Variants in DONSON observed in about 807,000 individuals in gnomAD.
DONSON encodes protein downstream neighbor of Son.
DONSON carries 43 observed loss-of-function variants against 62.1 expected under a neutral mutation model. The observed-to-expected ratio is 0.69, with a 90% CI of 0.54 to 0.89. The LOEUF is 0.89. Ranked by LOEUF, DONSON falls within the 40% of genes least tolerant of loss-of-function variation. The probability of loss-of-function intolerance (pLI) is 0.00; values close to 1 mark genes in which losing one functional copy is unlikely to be tolerated. For synonymous variants in DONSON, 266 were observed against 264.6 expected, an observed-to-expected ratio of 1.01 and a Z score of -0.05; for missense variants, 696 against 697.5, an observed-to-expected ratio of 1.00 and a Z score of 0.03.
In DONSON at chr21:33,577,615, AC is replaced by A. The variant is rs2086435367; in HGVS notation, c.*691del. The A allele has an allele frequency of 2.9e-3, 6 of 2,048 alleles. No individual in the cohort carries two copies. The highest frequency in any genetic ancestry group is 0.019 in the Admixed American group (5 of 268). The allele number at this position is 2,048 out of a possible 1,614,324, so 0.1% of individuals were successfully genotyped here. A position where few individuals can be genotyped will look rare whatever the true frequency, so the allele number is the denominator to read the frequency against. On this transcript the variant is annotated 3_prime_UTR_variant, in exon 10 of 10. Transcript: ENST00000303071. ...ATACAGTCCCCCCCTACACACACAC[AC>A]ACACACACACACACACACACACACA...
chr21:33,584,282 GTGATCCGCCTGCCTCGGCCTCCCAAAGT>G, intron 4 of DONSON, among the ~76,000 whole-genome samples: 1 of 151,516 alleles, frequency 6.6e-6, no homozygotes, highest in East Asian at 1.9e-4. Flanking sequence ...TCCTGACCTT[GTGATCCGCCTGCCTCGGCCTCCCAAAGT>G]GCTGGGATTA....
At position 33,577,684 on chromosome 21, in the gene DONSON, CACACA is replaced by C. The variant is rs2086447272; in HGVS notation, c.*618_*622del. 1 of 110,758 alleles carries C rather than the reference CACACA, an allele frequency of 9.0e-6. No individual in the cohort carries two copies. The highest frequency in any genetic ancestry group is 4.2e-5 in the African/African-American group (1 of 23,808). The allele number at this position is 110,758 out of a possible 1,614,324, so 6.9% of individuals were successfully genotyped here. On this transcript the variant is annotated 3_prime_UTR_variant, in exon 10 of 10. Coordinates refer to ENST00000303071, the MANE Select transcript of DONSON (RefSeq NM_017613.4). Reference sequence around the variant, plus strand: ...ACACACACACACACACACACACACACACACACACACACACACACCCCTATAAGCAC... The same window carrying C: ...ACACACACACACACACACACACACACCACACACACACACCCCTATAAGCAC...
intron 8 of DONSON, among the ~76,000 whole-genome samples, chr21:33,580,231 A>C (rs995092550): frequency 7.1e-6 from 1 of 140,598 alleles, no homozygotes; most frequent in African/African-American, 2.6e-5. Flanking sequence ...TCCGTCTCTA[A>C]ATAGATAGAT....
Position 33,582,229 on chromosome 21 carries a change from G to A in DONSON, c.982C>T (p.Pro328Ser). 2 of 1,613,780 alleles carry A rather than the reference G, an allele frequency of 1.2e-6. No homozygotes were observed. Among genetic ancestry groups the A allele is most frequent in the Non-Finnish European group, 1.7e-6 (2 of 1,179,856 alleles). ...MRNEGIEFSLPLIKESGHKKE... is the reference protein window; with the variant it reads ...MRNEGIEFSLSLIKESGHKKE... ...TTATGGCCACTTTCTTTTATTAAAG[G>A]CAGAGAAAATTCAATACCTATATGA... is the stretch of plus-strand genomic sequence containing the variant. The change falls in exon 6 of 10, where the codon CCT becomes TCT. Residue 328 changes from proline to serine, a missense_variant. Coordinates refer to ENST00000303071, the MANE Select transcript of DONSON (RefSeq NM_017613.4).
At chr21:33,579,290 C>T in intron 9 of DONSON, 60 bp downstream of exon 9, 1 of 1,309,110 alleles carries the variant, frequency 7.6e-7, no homozygotes, top group South Asian at 1.8e-5. Context: ...GACTCAATTT[C>T]CCTCCAGCTA....
chr21:33,581,395 C>CTT lies in DONSON; in HGVS notation c.1255_1256dup (p.Ser420ArgfsTer3), dbSNP rs2086509585. 1.2e-6 allele frequency: 2 copies of CTT among 1,614,110 alleles called. No homozygotes were observed. Among genetic ancestry groups the CTT allele is most frequent in the Non-Finnish European group, 1.7e-6 (2 of 1,180,026 alleles). The stretch of plus-strand genomic sequence containing the variant: ...GTGGACCTGAGGTAGCAACTAAACT[C>CTT]TTAGAGTTAATCAAAAAATTGAGCA... On this transcript the variant is annotated frameshift_variant, in exon 8 of 10. Transcript: ENST00000303071. LOFTEE classifies it high-confidence loss of function.
intron 2 of DONSON, 112 bp downstream of exon 2, chr21:33,587,410 T>C (rs976171642): frequency 4.5e-5 from 64 of 1,409,078 alleles, no homozygotes; most frequent in Non-Finnish European, 5.5e-5. Flanking sequence ...AAAACTACTT[T>C]CCAAGCAAAA....
intron 5 of DONSON, 78 bp from the exon 6 acceptor site, chr21:33,582,324 A>C (rs2086522316): frequency 1.7e-6 from 2 of 1,207,334 alleles, no homozygotes; most frequent in Non-Finnish European, 2.4e-6. Flanking sequence ...GAGTGTAAAA[A>C]ATTTGAAATG....
Position 33,578,183 on chromosome 21 carries a change from A to G in DONSON, c.*124T>C, listed in dbSNP as rs987899844. The G allele has an allele frequency of 1.0e-6, 1 of 1,004,308 alleles. No individual in the cohort carries two copies. The highest frequency in any genetic ancestry group is 2.5e-5 in the East Asian group (1 of 39,914). The allele number at this position is 1,004,308 out of a possible 1,614,324, so 62.2% of individuals were successfully genotyped here. On this transcript the variant is annotated 3_prime_UTR_variant, in exon 10 of 10. Transcript: ENST00000303071. ...TAGTAAAACACATTTAAAACCTTAG[A>G]TGCTACTGTAGTAAAAGTTATGTTT... is the stretch of plus-strand genomic sequence containing the variant.
intron 9 of DONSON, among the ~76,000 whole-genome samples, chr21:33,579,080 G>C (rs1402287000): frequency 2.3e-3 from 1 of 442 alleles, no homozygotes; most frequent in East Asian, 0.1. Flanking sequence ...TAAGGCTGCA[G>C]TGAGCCGAGA....
At chr21:33,587,674 AC>A (rs1312063207) in intron 1 of DONSON, 72 bp from the exon 2 acceptor site, 1 of 985,320 alleles carries the variant, frequency 1.0e-6, no homozygotes, top group East Asian at 2.6e-5. Flanking sequence ...ACAGAGCCTC[AC>A]CTGGCATACA....
intron 5 of DONSON, 101 bp from the exon 6 acceptor site, chr21:33,582,347 A>G (rs1246219361): frequency 3.3e-6 from 3 of 919,420 alleles, no homozygotes; most frequent in Non-Finnish European, 5.0e-6. Flanking sequence ...AGTTTTTACA[A>G]ATGATCTATT....
chr21:33,583,127 G>C (rs2086532940), intron 5 of DONSON, among the ~76,000 whole-genome samples: 1 of 148,390 alleles, frequency 6.7e-6, no homozygotes. Flanking sequence ...CCTGAACCCA[G>C]GAGGCGGAGC....
At chr21:33,580,915 A>G (rs1757135835) in intron 8 of DONSON, among the ~76,000 whole-genome samples, 1 of 151,880 alleles carries the variant, frequency 6.6e-6, no homozygotes, top group South Asian at 2.1e-4. Flanking sequence ...GAAAAAAAAA[A>G]ACAAAAAAAA....
At chr21:33,581,261 A>G (rs372101477) in intron 8 of DONSON, 41 bp downstream of exon 8, 92 of 1,571,832 alleles carry the variant, frequency 5.9e-5, no homozygotes, top group Middle Eastern at 1.8e-4. Context: ...CTATCAAAGT[A>G]AAGTACTTCT....
intron 5 of DONSON, among the ~76,000 whole-genome samples, chr21:33,583,199 T>TAAAAAAAA (rs2086534551): frequency 6.4e-5 from 1 of 15,624 alleles, no homozygotes; most frequent in Admixed American, 9.1e-4. Flanking sequence ...AGTCTCCATC[T>TAAAAAAAA]CAAAAAAAAA....
intron 9 of DONSON, 78 bp downstream of exon 9, chr21:33,579,272 G>C: frequency 1.8e-6 from 2 of 1,082,922 alleles, no homozygotes; most frequent in Non-Finnish European, 2.6e-6. Flanking sequence ...TAGTGACTCA[G>C]CATAAATGAC....
intron 2 of DONSON, chr21:33,587,244 T>A: frequency 1.8e-6 from 1 of 557,476 alleles, no homozygotes; most frequent in Non-Finnish European, 2.3e-6. Context: ...AGAAGAGTGG[T>A]AAAAACTGTT....
At chr21:33,585,851 C>T (rs2086571398) in intron 3 of DONSON, 127 bp downstream of exon 3, 3 of 901,964 alleles carry the variant, frequency 3.3e-6, no homozygotes, top group African/African-American at 3.4e-5. Context: ...GACAAAACTT[C>T]CTGTCTTTGT....
Sources: allele counts gnomAD v4.1 joint callset (sites outside exome capture counted in the v4.1 genomes callset), GRCh38; gene constraint gnomAD v4.1.1; transcripts MANE v1.5; gene names NCBI Gene and HGNC (gene_info 2026-07-23, HGNC 2026-07-21).